Variants in FAM169A observed in about 807,000 individuals in gnomAD.
FAM169A encodes soluble lamin-associated protein of 75 kDa.
Under a neutral mutation model 75.7 loss-of-function variants are expected in FAM169A, and 24 were observed. That is an observed-to-expected ratio of 0.32 (90% CI 0.23 to 0.45). The LOEUF (loss-of-function observed/expected upper bound fraction) is 0.45, where lower values mean the gene tolerates loss of function less well. FAM169A is among the 20% of genes least tolerant of loss of function. The probability of loss-of-function intolerance (pLI) is 1.00; values close to 1 mark genes in which losing one functional copy is unlikely to be tolerated. For missense variants in FAM169A, 673 were observed against 784.0 expected, an observed-to-expected ratio of 0.86 and a Z score of 1.69; for synonymous variants, 271 against 271.0, an observed-to-expected ratio of 1.00 and a Z score of 0.00.
intron 11 of FAM169A, among the ~76,000 whole-genome samples, chr5:74,793,123 G>A (rs6864505): frequency 0.018 from 2,700 of 151,930 alleles, 86 homozygotes; most frequent in African/African-American, 0.062. Context: ...TCAAGAGATC[G>A]AGACCATCCT....
chr5:74,807,372 G>A (rs931664261), intron 6 of FAM169A, among the ~76,000 whole-genome samples: 8 of 152,292 alleles, frequency 5.3e-5, no homozygotes, highest in Non-Finnish European at 8.8e-5. Flanking sequence ...AGTATTGGTT[G>A]GTTGCCCTTG....
chr5:74,862,589 C>T (rs983908552), intron 1 of FAM169A, among the ~76,000 whole-genome samples: 1 of 152,190 alleles, frequency 6.6e-6, no homozygotes, highest in African/African-American at 2.4e-5. Flanking sequence ...ACAGAATTAT[C>T]TGCTTAATGT....
chr5:74,826,942 T>C (rs1057379766), intron 5 of FAM169A, among the ~76,000 whole-genome samples: 3 of 152,192 alleles, frequency 2.0e-5, no homozygotes, highest in Non-Finnish European at 4.4e-5. Flanking sequence ...TTGTCACTCA[T>C]AACCTTGACA....
intron 6 of FAM169A, among the ~76,000 whole-genome samples, chr5:74,807,628 G>A (rs189183287): frequency 1.3e-5 from 2 of 152,152 alleles, no homozygotes; most frequent in East Asian, 1.9e-4. Flanking sequence ...TAGGATGACC[G>A]GACACAACCT....
chr5:74,852,591 G>C (rs774545921), intron 1 of FAM169A, among the ~76,000 whole-genome samples: 1 of 152,108 alleles, frequency 6.6e-6, no homozygotes, highest in Non-Finnish European at 1.5e-5. Context: ...GTCCTTTCAA[G>C]AGGCAGATAG....
At chr5:74,829,134 T>G (rs530196843) in intron 5 of FAM169A, among the ~76,000 whole-genome samples, 2 of 152,352 alleles carry the variant, frequency 1.3e-5, no homozygotes, top group East Asian at 3.9e-4. Flanking sequence ...CAATTTTTTC[T>G]TCTTTTACGC....
intron 5 of FAM169A, among the ~76,000 whole-genome samples, chr5:74,818,797 C>CTA (rs1297081439): frequency 0.013 from 1,818 of 135,972 alleles, 8 homozygotes; most frequent in Non-Finnish European, 0.018. Context: ...CTCTCTCTCT[C>CTA]TCTCTCTATA....
intron 10 of FAM169A, chr5:74,800,053 A>AATTTGGG (rs1746484431): frequency 1.4e-6 from 1 of 725,302 alleles, no homozygotes; most frequent in East Asian, 2.9e-5. Flanking sequence ...GAGCCATGAC[A>AATTTGGG]ATTTGGGATT....
chr5:74,866,570 G>A (rs1381028728), upstream of FAM169A: 5 of 513,858 alleles, frequency 9.7e-6, no homozygotes, highest in African/African-American at 1.0e-4. Flanking sequence ...GGCGTCACGC[G>A]GCCCCCGCCT....
chr5:74,826,087 TTTG>T (rs1475634213), intron 5 of FAM169A, among the ~76,000 whole-genome samples: 2 of 152,210 alleles, frequency 1.3e-5, no homozygotes, highest in South Asian at 2.1e-4. Context: ...AGGTTTGTTT[TTTG>T]TTGTTTCTGC....
intron 11 of FAM169A, among the ~76,000 whole-genome samples, chr5:74,789,985 C>A (rs1745891953): frequency 6.6e-6 from 1 of 152,196 alleles, no homozygotes; most frequent in South Asian, 2.1e-4. Context: ...TGCTTTCTGA[C>A]CCATCTAGTC....
intron 5 of FAM169A, among the ~76,000 whole-genome samples, chr5:74,821,044 C>T (rs1158591151): frequency 2.0e-5 from 3 of 152,118 alleles, no homozygotes; most frequent in Admixed American, 6.6e-5. Flanking sequence ...CTAACTATTC[C>T]GTTTAAAATA....
chr5:74,781,750 C>G lies in FAM169A; in HGVS notation c.1723G>C (p.Gly575Arg), dbSNP rs749480569. The G allele has an allele frequency of 1.1e-5, 17 of 1,614,062 alleles. No individual in the cohort carries two copies. Among genetic ancestry groups the G allele is most frequent in the Middle Eastern group, 1.6e-4 (1 of 6,062 alleles). ...GATGTTTCCTGGGGCTCAGATACCC[C>G]CTCCTCACCCTGGTCTTCCAATGAG... ...TSSLEDQGEE[G>R]VSEPQETSTA... Residue 575 changes from glycine to arginine, a missense_variant, in exon 13 of 13, where the codon GGG (glycine) becomes CGG (arginine). Gly to Arg is a moderately radical substitution (Grantham distance 125). Transcript: ENST00000687041.
chr5:74,860,698 A>T (rs1180171830), intron 1 of FAM169A, among the ~76,000 whole-genome samples: 2 of 152,092 alleles, frequency 1.3e-5, no homozygotes, highest in Non-Finnish European at 1.5e-5. Flanking sequence ...GAGCAAGTGG[A>T]ATAGCCAAGG....
intron 11 of FAM169A, among the ~76,000 whole-genome samples, chr5:74,784,918 C>CA (rs869156232): frequency 0.085 from 5,214 of 61,352 alleles, 256 homozygotes; most frequent in African/African-American, 0.15. Flanking sequence ...GACTCCGTCT[C>CA]AAAAAAAAAA....
chr5:74,824,806 A>T (rs1210393455), intron 5 of FAM169A, among the ~76,000 whole-genome samples: 3 of 151,966 alleles, frequency 2.0e-5, no homozygotes, highest in Non-Finnish European at 2.9e-5. Flanking sequence ...TTCGGTATTT[A>T]CTTCTACTTC....
chr5:74,802,310 T>C (rs1746622434), intron 8 of FAM169A, among the ~76,000 whole-genome samples: 1 of 150,224 alleles, frequency 6.7e-6, no homozygotes, highest in South Asian at 2.1e-4. Context: ...CTCATTCTAA[T>C]CACATCCCAT....
chr5:74,828,186 T>A (rs1476848534), intron 5 of FAM169A, among the ~76,000 whole-genome samples: 4 of 152,228 alleles, frequency 2.6e-5, no homozygotes, highest in African/African-American at 7.2e-5. Flanking sequence ...TTATAAAAAA[T>A]TATCTTTAAT....
Position 74,796,180 on chromosome 5 carries a change from C to T in FAM169A, c.1110G>A (p.Glu370=). 1 of 1,599,278 alleles carries T rather than the reference C, an allele frequency of 6.3e-7. No individual in the cohort carries two copies. Among genetic ancestry groups the T allele is most frequent in the Non-Finnish European group, 8.5e-7 (1 of 1,175,990 alleles). ...TSLTASINKL[E]STARPSESSE... is the part of the protein sequence containing the mutation. ...AGCTCTCTGATGGGCGTGCAGTAGACTCCAATCTAAAAAACAAAAGAAAAC... is the reference window on the plus strand; with the variant it reads ...AGCTCTCTGATGGGCGTGCAGTAGATTCCAATCTAAAAAACAAAAGAAAAC... The change falls in exon 11 of 13, where the codon GAG becomes GAA. Residue 370 remains glutamate (E), a synonymous_variant. Coordinates refer to ENST00000687041, the MANE Select transcript of FAM169A (RefSeq NM_001376049.1).
Sources: gnomAD v4.1 joint callset for allele counts (sites outside exome capture counted in the v4.1 genomes callset) on GRCh38, gnomAD v4.1.1 for gene constraint, MANE v1.5 for transcripts, NCBI Gene and HGNC (gene_info 2026-07-23, HGNC 2026-07-21) for gene names.